RFC5: variants seen among roughly 807,000 people sequenced by gnomAD.
RFC5 encodes A1 36 kDa subunit.
In RFC5, 26 loss-of-function variants were observed where a neutral mutation model predicts 44.3. That is an observed-to-expected ratio of 0.59 (90% confidence interval 0.43 to 0.81). The LOEUF is 0.81. Among genes scored for constraint, RFC5 ranks in the 40% least tolerant of loss-of-function variants. The probability of loss-of-function intolerance (pLI) is 0.00; values close to 1 mark genes in which losing one functional copy is unlikely to be tolerated. For missense variants in RFC5, 328 were observed against 418.6 expected, an observed-to-expected ratio of 0.78 and a Z score of 1.89; for synonymous variants, 155 against 155.2, an observed-to-expected ratio of 1.00 and a Z score of 0.01.
intron 7 of RFC5, among the ~76,000 whole-genome samples, chr12:118,026,664 G>C (rs1020050876): frequency 2.6e-5 from 4 of 152,220 alleles, no homozygotes; most frequent in African/African-American, 9.6e-5. Flanking sequence ...TGCAAAGAAG[G>C]CAAAGGGAGG....
intron 5 of RFC5, among the ~76,000 whole-genome samples, chr12:118,023,980 G>A (rs996291662): frequency 6.6e-6 from 1 of 152,082 alleles, no homozygotes; most frequent in African/African-American, 2.4e-5. Context: ...ACTTTGGGAG[G>A]CTGAGGCAGG....
At chr12:118,035,046 G>A (rs768001950), downstream of RFC5, 7 of 1,614,088 alleles carry the variant, frequency 4.3e-6, no homozygotes, top group South Asian at 1.1e-5. Context: ...GGTCATAGGA[G>A]CAAATGCAAT....
At chr12:118,023,906 T>C (rs543002307) in intron 5 of RFC5, among the ~76,000 whole-genome samples, 2 of 152,056 alleles carry the variant, frequency 1.3e-5, no homozygotes, top group Non-Finnish European at 2.9e-5. Flanking sequence ...CGGAGGCATG[T>C]TTACCAGTTT....
At chr12:118,025,054 A>C (rs547008659) in intron 6 of RFC5, 44 bp downstream of exon 6, 1 of 1,576,904 alleles carries the variant, frequency 6.3e-7, no homozygotes, top group Non-Finnish European at 8.6e-7. Context: ...TAGTAGAAAC[A>C]GGCTTGTGGG....
chr12:118,036,796 T>TTC (rs2031521454), downstream of RFC5, among the ~76,000 whole-genome samples: 2 of 150,158 alleles, frequency 1.3e-5, no homozygotes, highest in Non-Finnish European at 3.0e-5. Context: ...GTGCAGAGAC[T>TTC]TCTGAGTCTG....
chr12:118,016,967 C>A, intron 1 of RFC5, 75 bp downstream of exon 1: 2 of 1,236,144 alleles, frequency 1.6e-6, no homozygotes, highest in Non-Finnish European at 2.3e-6. Flanking sequence ...GCTGGGGTGG[C>A]AGGTGACCGG....
downstream of RFC5, chr12:118,036,209 A>G: frequency 1.3e-5 from 14 of 1,112,970 alleles, no homozygotes; most frequent in South Asian, 2.2e-4. Context: ...CTCAAAAGAG[A>G]CCCACTGTGC....
chr12:118,039,707 G>A, the RFC5 span, among the ~76,000 whole-genome samples: 5 of 151,886 alleles, frequency 3.3e-5, no homozygotes, highest in East Asian at 5.8e-4. Context: ...AAGTTTATGC[G>A]GATGTATGGA....
chr12:118,033,043 C>G (rs2031404138), downstream of RFC5: 1 of 152,110 alleles, frequency 6.6e-6, no homozygotes, highest in Non-Finnish European at 1.5e-5. Context: ...ACACTGGCCT[C>G]CATAAAGCAC....
intron 9 of RFC5, among the ~76,000 whole-genome samples, chr12:118,028,375 CGTGGGAGGCTGAG>C (rs2031093037): frequency 6.6e-6 from 1 of 151,712 alleles, no homozygotes; most frequent in Non-Finnish European, 1.5e-5. Context: ...ATCCCAGCTA[CGTGGGAGGCTGAG>C]GTGGGAGAAT....
At chr12:118,025,642 C>G in intron 6 of RFC5, 105 bp from the exon 7 acceptor site, 1 of 713,620 alleles carries the variant, frequency 1.4e-6, no homozygotes, top group South Asian at 1.6e-5. Context: ...TCCTCTCCTT[C>G]CTTCATCCCT....
At chr12:118,030,224 C>T (rs745358268) in intron 10 of RFC5, among the ~76,000 whole-genome samples, 1 of 152,176 alleles carries the variant, frequency 6.6e-6, no homozygotes, top group Non-Finnish European at 1.5e-5. Flanking sequence ...TGCCTGGTTC[C>T]GTAAACACTG....
chr12:118,036,219 C>T, downstream of RFC5: 1 of 1,231,094 alleles, frequency 8.1e-7, no homozygotes, highest in South Asian at 1.5e-5. Context: ...ACCCACTGTG[C>T]CTTTTTATCC....
At chr12:118,034,073 C>G, downstream of RFC5, 1 of 1,342,036 alleles carries the variant, frequency 7.5e-7, no homozygotes, top group Non-Finnish European at 1.0e-6. Flanking sequence ...TTGCTACATT[C>G]TATTCACAAT....
rs780208613 is a variant in RFC5 at position 118,016,840 on chromosome 12, G to C, written c.13G>C (p.Ala5Pro). The C allele has an allele frequency of 1.9e-6, 3 of 1,613,450 alleles. No homozygotes were observed. In the Admixed American group the frequency reaches 5.0e-5, roughly 27 times the overall value. Residue 5 changes from alanine (A) to proline (P), a missense_variant, in exon 1 of 11, where the codon GCA becomes CCA. Physicochemically the swap from Ala to Pro is conservative, Grantham distance 27 (BLOSUM62 -1). Coordinates refer to ENST00000454402, the MANE Select transcript of RFC5 (RefSeq NM_007370.7). The stretch of plus-strand genomic sequence containing the variant: ...TCGTCTCCCCGCCATGGAGACCTCA[G>C]CACTCAAGCAGCAGGAGCAGCCCGC... The part of the protein sequence containing the change: METS[A>P]LKQQEQPAAT...
chr12:118,029,188 A>C (rs1173164569), intron 9 of RFC5, among the ~76,000 whole-genome samples: 1 of 152,200 alleles, frequency 6.6e-6, no homozygotes, highest in East Asian at 1.9e-4. Context: ...GGGAAGTCAA[A>C]ATGGGTGGAT....
intron 1 of RFC5, chr12:118,017,954 T>G (rs2393374): frequency 0.71 from 490,467 of 688,650 alleles, 175,861 homozygotes; most frequent in East Asian, 0.83. Context: ...TGGAAATCCT[T>G]TACCCATTGA....
At chr12:118,025,177 C>G (rs1406059202) in intron 6 of RFC5, 167 bp downstream of exon 6, 2 of 540,958 alleles carry the variant, frequency 3.7e-6, no homozygotes, top group Admixed American at 7.3e-5. Context: ...TCTCTGCTGT[C>G]TCAAGGCCAT....
Position 118,016,944 on chromosome 12 carries a change from C to CG in RFC5, c.65+56dup. The CG allele has an allele frequency of 4.0e-6, 6 of 1,483,458 alleles. No individual in the cohort carries two copies. In the Middle Eastern group the frequency reaches 7.7e-4, roughly 189 times the overall value. The allele number at this position is 1,483,458 out of a possible 1,614,324, so 91.9% of individuals were successfully genotyped here. A position where few individuals can be genotyped will look rare whatever the true frequency, so the allele number is the denominator to read the frequency against. On this transcript the variant is annotated intron_variant, in intron 1 of 10. Transcript: ENST00000454402. Reference sequence around the variant, plus strand: ...GGGCAGAGGGGGCCAGGCGGCCGCGCGGGGAGGAGGTGGCTGGGGTGGCAG... The same window carrying CG: ...GGGCAGAGGGGGCCAGGCGGCCGCGCGGGGGAGGAGGTGGCTGGGGTGGCAG...
Sources: gnomAD v4.1 joint callset for allele counts (sites outside exome capture counted in the v4.1 genomes callset) on GRCh38, gnomAD v4.1.1 for gene constraint, MANE v1.5 for transcripts, NCBI Gene and HGNC (gene_info 2026-07-23, HGNC 2026-07-21) for gene names.